The following PCDHGB7 variants were observed in gnomAD, a reference collection of about 807,000 sequenced individuals.
PCDHGB7 encodes the protein protocadherin gamma-B7.
In PCDHGB7, 37 loss-of-function variants were observed where a neutral mutation model predicts 61.4. The ratio of observed to expected loss-of-function variants is 0.60; its 90% CI spans 0.46 to 0.79. The LOEUF is 0.79. Among genes scored for constraint, PCDHGB7 ranks in the 30% least tolerant of loss-of-function variants. The pLI, the probability that PCDHGB7 is intolerant of heterozygous loss-of-function variation, is 0.00. For missense variants in PCDHGB7, 1,166 were observed against 1,202.5 expected (o/e 0.97, Z 0.45); for synonymous variants, 464 against 503.5 (o/e 0.92, Z 1.05).
rs1247067983 is a variant in PCDHGB7, at chr5:141,511,327, C to T, written c.*154C>T. ...CCCTTGGGAAACAGAAACAAGTGCC[C>T]AGTCAGCACCTACCCCTTCCCCCCC... On this transcript the variant is annotated 3_prime_UTR_variant, in exon 4 of 4. Transcript: ENST00000398594. 28 of 1,455,454 alleles carry T rather than the reference C, an allele frequency of 1.9e-5. No individual in the cohort carries two copies. Among genetic ancestry groups the T allele is most frequent in the Admixed American group, 2.4e-5 (1 of 41,734 alleles). 90.2% of individuals were successfully genotyped at this position (1,455,454 alleles called of 1,614,324 possible). A position where few individuals can be genotyped will look rare whatever the true frequency, so the allele number is the denominator to read the frequency against.
At position 141,431,118 on chromosome 5, in the gene PCDHGB7, A is replaced by C; in HGVS notation, c.2415+10844A>C. On this transcript the variant is annotated intron_variant, in intron 1 of 3. Coordinates refer to ENST00000398594, the MANE Select transcript of PCDHGB7 (RefSeq NM_018927.4). The surrounding 1 kb of genome is among the most constrained non-coding windows in gnomAD (Gnocchi z 4.8). ...GATAAAGTGAAAATATATGGAGTAG[A>C]AGTAGAAGTAAGGGACATTAACGAC... 6.2e-7 allele frequency: 1 copy of C among 1,614,182 alleles called. No individual in the cohort carries two copies. Among genetic ancestry groups the C allele is most frequent in the Non-Finnish European group, 8.5e-7 (1 of 1,179,974 alleles).
chr5:141,421,402 G>A (rs2096569907), intron 1 of PCDHGB7: 1 of 1,614,076 alleles, frequency 6.2e-7, no homozygotes, highest in Non-Finnish European at 8.5e-7. Context: ...GGAGCCCCGG[G>A]AGCTGGCGAA....
At position 141,446,758 on chromosome 5, in the gene PCDHGB7, C is replaced by T. The variant is rs776925316; in HGVS notation, c.2415+26484C>T. Among the ~76,000 whole-genome samples, 10 of 152,208 alleles carry T rather than the reference C, an allele frequency of 6.6e-5. 1 individual carries two copies. Among genetic ancestry groups the T allele is most frequent in the African/African-American group, 9.7e-5 (4 of 41,448 alleles). On this transcript the variant is annotated intron_variant, in intron 1 of 3. Transcript: ENST00000398594. ...TGGGGATTACAGGCGTGAGCCACCG[C>T]GCCCAGCCGGTTACCATTCTTTTAC...
chr5:141,478,394 G>A, intron 1 of PCDHGB7: 1 of 1,613,586 alleles, frequency 6.2e-7, no homozygotes, highest in Non-Finnish European at 8.5e-7. Context: ...TTACCATCAG[G>A]TGTATCTCAC....
chr5:141,486,734 C>G lies in PCDHGB7; in HGVS notation c.2416-8073C>G, dbSNP rs2099634292. On this transcript the variant is annotated intron_variant, in intron 1 of 3. Transcript: ENST00000398594. This position sits in a 1 kb window ranked among gnomAD's most constrained non-coding sequence, Gnocchi z 5.0. ...CCAGACAGGAGCTGTTCATGCTACT[C>G]GATCCTTTGACTATGAGCAAACCCA... 6.2e-7 allele frequency: 1 copy of G among 1,614,070 alleles called. No individual in the cohort carries two copies. The highest frequency in any genetic ancestry group is 1.7e-5 in the Admixed American group (1 of 60,000).
intron 1 of PCDHGB7, among the ~76,000 whole-genome samples, chr5:141,484,030 T>G (rs1290301073): frequency 6.6e-6 from 1 of 151,022 alleles, no homozygotes; most frequent in African/African-American, 2.4e-5. Flanking sequence ...TGAGATCAAG[T>G]CTCCAGCTCC....
At chr5:141,439,473 G>T (rs1414737627) in intron 1 of PCDHGB7, among the ~76,000 whole-genome samples, 2 of 152,202 alleles carry the variant, frequency 1.3e-5, no homozygotes, top group South Asian at 2.1e-4. Context: ...CTGCCTTTCA[G>T]CTTGCAAATT....
At chr5:141,454,665 CA>C (rs2098795764) in intron 1 of PCDHGB7, among the ~76,000 whole-genome samples, 3 of 152,058 alleles carry the variant, frequency 2.0e-5, no homozygotes, top group Non-Finnish European at 4.4e-5. Flanking sequence ...CTCGGCCTCC[CA>C]AAACACTGGG....
chr5:141,500,148 G>T (rs936567158), intron 2 of PCDHGB7, among the ~76,000 whole-genome samples: 6 of 150,990 alleles, frequency 4.0e-5, no homozygotes, highest in African/African-American at 1.5e-4. Flanking sequence ...ACTTTTCTTT[G>T]TGTAATCAAA....
At chr5:141,471,590 T>C (rs2099260583) in intron 1 of PCDHGB7, 1 of 152,120 alleles carries the variant, frequency 6.6e-6, no homozygotes. Flanking sequence ...AAGTAATTGA[T>C]AGTTTCAAAA....
At chr5:141,461,507 T>C (rs1271911872) in intron 1 of PCDHGB7, among the ~76,000 whole-genome samples, 1 of 152,316 alleles carries the variant, frequency 6.6e-6, no homozygotes, top group East Asian at 1.9e-4. Context: ...TTCTTGGTGA[T>C]TTGTTAGTTC....
chr5:141,423,564 G>A (rs2096754933), intron 1 of PCDHGB7: 2 of 1,613,444 alleles, frequency 1.2e-6, no homozygotes, highest in Non-Finnish European at 1.7e-6. Context: ...ATGGGGACAC[G>A]CTCATCAGCC....
At chr5:141,423,001 G>A in intron 1 of PCDHGB7, 2 of 1,614,230 alleles carry the variant, frequency 1.2e-6, no homozygotes, top group Non-Finnish European at 1.7e-6. Flanking sequence ...GGTGACCAAG[G>A]TGGTTGCGGT....
Position 141,511,178 on chromosome 5 carries a change from G to A in PCDHGB7, c.*5G>A. The A allele has an allele frequency of 6.2e-7, 1 of 1,614,090 alleles. No homozygotes were observed. Among genetic ancestry groups the A allele is most frequent in the South Asian group, 1.1e-5 (1 of 91,074 alleles). On this transcript the variant is annotated 3_prime_UTR_variant, in exon 4 of 4. Coordinates refer to ENST00000398594, the MANE Select transcript of PCDHGB7 (RefSeq NM_018927.4). ...GGCAAGAAGGAGAAGAAGTAACATG[G>A]AGGCCAGGCCAAGAGCCACAGGGCG...
chr5:141,491,685 G>A lies in PCDHGB7; in HGVS notation c.2416-3122G>A. 1 of 1,613,164 alleles carries A rather than the reference G, an allele frequency of 6.2e-7. No individual in the cohort carries two copies. The highest frequency in any genetic ancestry group is 8.5e-7 in the Non-Finnish European group (1 of 1,179,646). On this transcript the variant is annotated intron_variant, in intron 1 of 3. Transcript: ENST00000398594. The surrounding 1 kb of genome is among the most constrained non-coding windows in gnomAD (Gnocchi z 6.9). ...CCATCCGGTCCCGCTCTAATACGCTGCGGGAGCGGAGCCAGGTGAGGGGCT... is the reference window on the plus strand; with the variant it reads ...CCATCCGGTCCCGCTCTAATACGCTACGGGAGCGGAGCCAGGTGAGGGGCT...
intron 1 of PCDHGB7, among the ~76,000 whole-genome samples, chr5:141,436,477 G>A (rs748354852): frequency 1.3e-5 from 2 of 152,168 alleles, no homozygotes; most frequent in Non-Finnish European, 2.9e-5. Context: ...ATGTATCATA[G>A]AAGGATAGCA....
chr5:141,485,577 G>A lies in PCDHGB7; in HGVS notation c.2416-9230G>A. Reference sequence around the variant, plus strand: ...AATGATCACGCCCCCCGTTTTCCGCGGCAGCAGCTGGACTTGGAAATTGGG... The same window carrying A: ...AATGATCACGCCCCCCGTTTTCCGCAGCAGCAGCTGGACTTGGAAATTGGG... On this transcript the variant is annotated intron_variant, in intron 1 of 3. Transcript: ENST00000398594. This position sits in a 1 kb window ranked among gnomAD's most constrained non-coding sequence, Gnocchi z 5.7. 2 of 1,612,500 alleles carry A rather than the reference G, an allele frequency of 1.2e-6. No individual in the cohort carries two copies. Among genetic ancestry groups the A allele is most frequent in the Non-Finnish European group, 8.5e-7 (1 of 1,178,676 alleles).
At chr5:141,421,320 G>T (rs1561793188) in intron 1 of PCDHGB7, 2 of 1,613,786 alleles carry the variant, frequency 1.2e-6, no homozygotes, top group Non-Finnish European at 1.7e-6. Flanking sequence ...GGGCCAGGCA[G>T]ATCCGATATT....
intron 1 of PCDHGB7, among the ~76,000 whole-genome samples, chr5:141,456,359 G>A (rs2098853225): frequency 6.6e-6 from 1 of 152,158 alleles, no homozygotes; most frequent in Non-Finnish European, 1.5e-5. Context: ...TGGCGTCCAT[G>A]TGTGGTTCAG....
Sources: gnomAD v4.1 joint callset for allele counts (sites outside exome capture counted in the v4.1 genomes callset) on GRCh38, gnomAD v4.1.1 for gene constraint, Gnocchi (gnomAD v3.1) non-coding constraint, MANE v1.5 for transcripts, NCBI Gene and HGNC (gene_info 2026-07-23, HGNC 2026-07-21) for gene names.